Variants in AP3B1 observed in about 807,000 individuals in gnomAD.
AP3B1 encodes the protein adaptor related protein complex 3 subunit beta 1.
In AP3B1, 61 loss-of-function variants were observed where a neutral mutation model predicts 132.5. That is an observed-to-expected ratio of 0.46 (90% CI 0.37 to 0.57). The LOEUF (loss-of-function observed/expected upper bound fraction) is 0.57. Among genes scored for constraint, AP3B1 ranks in the 20% least tolerant of loss-of-function variants. The pLI is 0.00. For missense variants in AP3B1, 1,120 were observed against 1,289.4 expected, an observed-to-expected ratio of 0.87 and a Z score of 2.01; for synonymous variants, 388 against 438.3, an observed-to-expected ratio of 0.89 and a Z score of 1.43.
At chr5:78,011,209 C>CT (rs1353471240) in intron 26 of AP3B1, among the ~76,000 whole-genome samples, 9 of 151,502 alleles carry the variant, frequency 5.9e-5, no homozygotes, top group Non-Finnish European at 1.5e-5. Flanking sequence ...AGCCTGGCTA[C>CT]TTTTTTTTGT....
At chr5:78,119,817 T>C (rs1752077140) in intron 17 of AP3B1, among the ~76,000 whole-genome samples, 1 of 152,052 alleles carries the variant, frequency 6.6e-6, no homozygotes. Flanking sequence ...AGGCCAACAT[T>C]CGGATTCAGG....
chr5:78,065,886 G>A (rs1032787504), intron 22 of AP3B1, among the ~76,000 whole-genome samples: 18 of 152,104 alleles, frequency 1.2e-4, no homozygotes, highest in Non-Finnish European at 4.4e-5. Context: ...AACAGGGGTC[G>A]CTAGACACCT....
At chr5:78,241,542 T>C (rs1348712089) in intron 2 of AP3B1, among the ~76,000 whole-genome samples, 2 of 152,224 alleles carry the variant, frequency 1.3e-5, no homozygotes, top group African/African-American at 4.8e-5. Context: ...CAACTAATTA[T>C]GTGAACCTTT....
At chr5:78,101,220 T>C (rs1751109538) in intron 20 of AP3B1, 195 bp from the exon 21 acceptor site, 1 of 522,076 alleles carries the variant, frequency 1.9e-6, no homozygotes, top group South Asian at 2.2e-5. Flanking sequence ...TTACCCACTA[T>C]GCAAACTCTT....
intron 26 of AP3B1, 129 bp downstream of exon 26, chr5:78,015,281 A>C: frequency 1.0e-6 from 1 of 997,084 alleles, no homozygotes; most frequent in Non-Finnish European, 1.5e-6. Flanking sequence ...ATCAGAAAAA[A>C]AAGGGAGTGT....
In AP3B1 at chr5:78,002,953, C is replaced by A; in HGVS notation, c.3234G>T (p.Val1078=). Residue 1078 remains valine, a synonymous_variant, in exon 27 of 27, where the codon GTG becomes GTT. Transcript: ENST00000255194. The part of the protein sequence containing the change: ...AQLIINTEKT[V]IGSVLLRELK... The stretch of plus-strand genomic sequence containing the variant: ...GTTCCCGCAGCAGAACAGAGCCAAT[C>A]ACAGTTTTCTCAGTGTTTATGATAA... The A allele has an allele frequency of 6.2e-7, 1 of 1,614,184 alleles. No homozygotes were observed. Among genetic ancestry groups the A allele is most frequent in the South Asian group, 1.1e-5 (1 of 91,088 alleles).
chr5:78,066,441 A>G (rs1749293002), intron 22 of AP3B1, among the ~76,000 whole-genome samples: 2 of 152,230 alleles, frequency 1.3e-5, no homozygotes, highest in Non-Finnish European at 2.9e-5. Flanking sequence ...GGAGCTGTTA[A>G]CCAGAATAAC....
intron 22 of AP3B1, among the ~76,000 whole-genome samples, chr5:78,055,899 AATTT>A (rs1748793388): frequency 6.6e-6 from 1 of 152,220 alleles, no homozygotes; most frequent in Non-Finnish European, 1.5e-5. Context: ...TTCAAGTGAT[AATTT>A]CATAAGCATA....
intron 22 of AP3B1, chr5:78,044,051 T>C (rs554307460): frequency 6.3e-5 from 19 of 301,020 alleles, no homozygotes; most frequent in South Asian, 1.1e-4. Flanking sequence ...ATAGAAGGTA[T>C]TGATGACGAG....
intron 1 of AP3B1, among the ~76,000 whole-genome samples, chr5:78,283,103 T>C (rs1309080228): frequency 6.6e-6 from 1 of 152,242 alleles, no homozygotes. Context: ...AGGCACTATT[T>C]ACATATGTTA....
At chr5:78,242,890 G>C (rs966027134) in intron 2 of AP3B1, among the ~76,000 whole-genome samples, 7 of 152,006 alleles carry the variant, frequency 4.6e-5, no homozygotes, top group Non-Finnish European at 4.4e-5. Context: ...TCAAACTATA[G>C]GGTAATTTGG....
intron 13 of AP3B1, among the ~76,000 whole-genome samples, chr5:78,161,986 C>T (rs1743405840): frequency 6.6e-6 from 1 of 151,908 alleles, no homozygotes; most frequent in South Asian, 2.1e-4. Flanking sequence ...ATCATATATG[C>T]CCATATCTAG....
Position 78,040,675 on chromosome 5 carries a change from T to TA in AP3B1, c.2578-1402dup, listed in dbSNP as rs565005772. On this transcript the variant is annotated intron_variant, in intron 22 of 26. Transcript: ENST00000255194. Reference sequence around the variant, plus strand: ...GGCTTGACCTGACATGGGCAAGCATTAAAAAAAAAATCAATTTGTAATTAA... The same window carrying TA: ...GGCTTGACCTGACATGGGCAAGCATTAAAAAAAAAAATCAATTTGTAATTAA... Among the ~76,000 whole-genome samples the TA allele has an allele frequency of 3.1e-4, 46 of 149,428 alleles. 1 individual carries two copies. The highest frequency in any genetic ancestry group is 6.0e-4 in the Admixed American group (9 of 14,996).
chr5:78,075,118 T>C (rs1394733249), intron 22 of AP3B1, among the ~76,000 whole-genome samples: 2 of 151,940 alleles, frequency 1.3e-5, no homozygotes, highest in African/African-American at 4.8e-5. Flanking sequence ...TCTGCCAATA[T>C]AAGAGATTGG....
At chr5:78,016,460 G>A (rs936312021) in intron 25 of AP3B1, among the ~76,000 whole-genome samples, 1 of 152,064 alleles carries the variant, frequency 6.6e-6, no homozygotes, top group African/African-American at 2.4e-5. Context: ...GGTGATATAA[G>A]TCATAGACAT....
At chr5:78,196,420 T>C (rs1017051598) in intron 7 of AP3B1, among the ~76,000 whole-genome samples, 2 of 152,172 alleles carry the variant, frequency 1.3e-5, no homozygotes, top group Non-Finnish European at 2.9e-5. Flanking sequence ...TCATTGCCGA[T>C]GGGAATGCAA....
At chr5:78,213,576 A>G (rs896707767) in intron 7 of AP3B1, among the ~76,000 whole-genome samples, 29 of 152,170 alleles carry the variant, frequency 1.9e-4, no homozygotes, top group African/African-American at 6.8e-4. Context: ...GCTAAACGAG[A>G]CCCTCAAATA....
At chr5:78,046,460 C>G (rs1396861403) in intron 22 of AP3B1, among the ~76,000 whole-genome samples, 1 of 152,160 alleles carries the variant, frequency 6.6e-6, no homozygotes, top group Non-Finnish European at 1.5e-5. Context: ...AAACGGGTCC[C>G]TGGTGCCAAA....
intron 1 of AP3B1, among the ~76,000 whole-genome samples, chr5:78,281,654 T>C (rs13187993): frequency 0.23 from 34,294 of 152,016 alleles, 4,532 homozygotes; most frequent in Middle Eastern, 0.31. Flanking sequence ...AAAAAATCAT[T>C]TGCAGTCACT....
Sources: allele counts gnomAD v4.1 joint callset (sites outside exome capture counted in the v4.1 genomes callset), GRCh38; gene constraint gnomAD v4.1.1; transcripts MANE v1.5; gene names NCBI Gene and HGNC (gene_info 2026-07-23, HGNC 2026-07-21).